Variants in BCORL1 observed in about 807,000 individuals in gnomAD.
BCORL1 encodes BCL-6 corepressor-like protein 1.
A neutral mutation model predicts 87.6 loss-of-function variants in BCORL1; 7 were observed. The observed-to-expected ratio is 0.08, with a 90% CI of 0.05 to 0.15. The LOEUF (loss-of-function observed/expected upper bound fraction) is 0.15. BCORL1 is among the 10% of genes least tolerant of loss of function. The pLI is 1.00. For synonymous variants in BCORL1, 591 were observed against 634.4 expected (o/e 0.93, Z 1.03); for missense variants, 1,215 against 1,499.7 (o/e 0.81, Z 3.13).
At chrX:130,022,776 C>G (rs767857183) in intron 5 of BCORL1, 121 bp from the exon 6 acceptor site, 249 of 608,883 alleles carry the variant, frequency 4.1e-4, no homozygotes, top group Non-Finnish European at 6.6e-4. Flanking sequence ...CCAGATTAAC[C>G]ACAGGGTAAA....
intron 1 of BCORL1, among the ~76,000 whole-genome samples, chrX:129,986,128 T>C (rs1926596218): frequency 1.8e-5 from 2 of 112,029 alleles, no homozygotes; most frequent in African/African-American, 6.5e-5. Flanking sequence ...TGGCTGTAAG[T>C]CATTGATGAG....
intron 1 of BCORL1, among the ~76,000 whole-genome samples, chrX:130,003,013 A>T (rs1285215275): frequency 9.1e-6 from 1 of 110,429 alleles, no homozygotes; most frequent in Non-Finnish European, 1.9e-5. Context: ...AAAGAGGGCA[A>T]CGTATCCCAC....
At chrX:130,005,489 A>G (rs1031630073) in intron 2 of BCORL1, among the ~76,000 whole-genome samples, 172 bp downstream of exon 2, 2 of 111,893 alleles carry the variant, frequency 1.8e-5, no homozygotes, top group East Asian at 5.6e-4. Context: ...GAGTGGCCTG[A>G]TCTGCCATGC....
chrX:130,054,607 G>A (rs1315575759), intron 13 of BCORL1, among the ~76,000 whole-genome samples: 1 of 110,644 alleles, frequency 9.0e-6, no homozygotes, highest in African/African-American at 3.3e-5. Flanking sequence ...AGGTTAGAAG[G>A]TCTCATATAA....
At chrX:130,002,841 G>A (rs1928167873) in intron 1 of BCORL1, among the ~76,000 whole-genome samples, 1 of 108,982 alleles carries the variant, frequency 9.2e-6, no homozygotes, top group Non-Finnish European at 1.9e-5. Flanking sequence ...AGATAGGAAG[G>A]GGAGGAAATG....
At chrX:129,982,321 G>A (rs1926176080), upstream of BCORL1, among the ~76,000 whole-genome samples, 1 of 111,240 alleles carries the variant, frequency 9.0e-6, no homozygotes, top group South Asian at 3.8e-4. Flanking sequence ...GAATCCGCTC[G>A]GTCCTCTCAG....
chrX:130,015,729 T>C lies in BCORL1; in HGVS notation c.2957T>C (p.Val986Ala), dbSNP rs754689076. Residue 986 changes from valine (V) to alanine (A), a missense_variant, in exon 4 of 14, where the codon GTG becomes GCG. Physicochemically the swap from Val to Ala is moderately conservative, Grantham distance 64. Around this residue, in one of 5 missense-constraint regions of BCORL1, gnomAD observed 861 missense variants for 1,010.0 expected, o/e 0.85. Coordinates refer to ENST00000540052, the MANE Select transcript of BCORL1 (RefSeq NM_001379451.1). The part of the protein sequence containing the change: ...LAGDTKPKNQ[V>A]LATYMSHELV... ...GGAGACACGAAGCCTAAGAACCAAGTGCTGGCCACCTACATGTCCCATGAG... is the reference window on the plus strand; with the variant it reads ...GGAGACACGAAGCCTAAGAACCAAGCGCTGGCCACCTACATGTCCCATGAG... The C allele has an allele frequency of 8.3e-7, 1 of 1,211,877 alleles. No individual in the cohort carries two copies. Among genetic ancestry groups the C allele is most frequent in the Admixed American group, 2.2e-5 (1 of 46,058 alleles).
chrX:129,995,548 C>G (rs754256493), intron 1 of BCORL1, among the ~76,000 whole-genome samples: 1 of 111,240 alleles, frequency 9.0e-6, no homozygotes, highest in Non-Finnish European at 1.9e-5. Context: ...TCAAGTGATT[C>G]CCCTGCCTCA....
intron 10 of BCORL1, 24 bp downstream of exon 10, chrX:130,037,557 A>C (rs373647765): frequency 1.2e-3 from 1,466 of 1,179,866 alleles, no homozygotes; most frequent in Non-Finnish European, 1.5e-3. Flanking sequence ...ATCTCCCCCC[A>C]GTCCCGCCCT....
intron 11 of BCORL1, 120 bp downstream of exon 11, chrX:130,039,402 C>G (rs889033257): frequency 1.1e-5 from 10 of 884,273 alleles, no homozygotes; most frequent in Non-Finnish European, 1.6e-5. Flanking sequence ...GCCATCTGCC[C>G]TCTTCACCTG....
At chrX:130,039,047 C>A in intron 10 of BCORL1, 90 bp from the exon 11 acceptor site, 1 of 1,050,944 alleles carries the variant, frequency 9.5e-7, no homozygotes, top group South Asian at 2.1e-5. Flanking sequence ...GGGGTCAGCT[C>A]AGTTTTTTCC....
chrX:130,033,501 GTCT>G (rs1930752053), intron 8 of BCORL1, among the ~76,000 whole-genome samples: 1 of 112,585 alleles, frequency 8.9e-6, no homozygotes, highest in African/African-American at 3.2e-5. Context: ...CTTGCCCCAG[GTCT>G]TCTAGCTAGG....
At chrX:130,027,405 G>A (rs1450558820) in intron 7 of BCORL1, among the ~76,000 whole-genome samples, 2 of 112,935 alleles carry the variant, frequency 1.8e-5, no homozygotes, top group East Asian at 5.6e-4. Flanking sequence ...ATGACAGCTG[G>A]CCTTCCAGGA....
rs1179514476 is a variant in BCORL1 at position 130,055,790 on chromosome X, C to G, written c.5076-64C>G. 1.0e-5 allele frequency: 11 copies of G among 1,098,514 alleles called. No homozygotes were observed. The South Asian group carries it at 1.9e-4, about 19-fold the overall frequency. The allele number at this position is 1,098,514 out of a possible 1,213,427, so 90.5% of individuals were successfully genotyped here. A position where few individuals can be genotyped will look rare whatever the true frequency, so the allele number is the denominator to read the frequency against. On this transcript the variant is annotated intron_variant, in intron 13 of 13. Transcript: ENST00000540052. ...GCCTTTGTGGGCTTTGCAGAGTGTT[C>G]TGGGTCGGTGCCCCCACCGCTTCCT... is the stretch of plus-strand genomic sequence containing the variant.
rs1341325632 is a variant in BCORL1 at position 130,012,369 on chromosome X, C to G, written c.87-209C>G. 2.7e-5 allele frequency among the ~76,000 whole-genome samples: 3 copies of G among 111,390 alleles called. No individual in the cohort carries two copies. In the East Asian group the frequency reaches 8.5e-4, roughly 32 times the overall value. On this transcript the variant is annotated intron_variant, in intron 2 of 13. Transcript: ENST00000540052. ...GAGGGGGGTCTAGTCAGACTGGGCTCTGGTAGGGACTTGCAAAGCTAGGTG... is the reference window on the plus strand; with the variant it reads ...GAGGGGGGTCTAGTCAGACTGGGCTGTGGTAGGGACTTGCAAAGCTAGGTG...
intron 7 of BCORL1, among the ~76,000 whole-genome samples, chrX:130,025,836 A>G (rs1930213923): frequency 2.7e-5 from 3 of 110,966 alleles, no homozygotes; most frequent in African/African-American, 9.8e-5. Flanking sequence ...TGGGTTCTTC[A>G]AACCAACAGA....
At chrX:130,053,475 C>T (rs1932189662) in intron 13 of BCORL1, among the ~76,000 whole-genome samples, 1 of 111,675 alleles carries the variant, frequency 9.0e-6, no homozygotes, top group Admixed American at 9.5e-5. Context: ...CCGATGTATT[C>T]AGCACCTCCC....
intron 8 of BCORL1, among the ~76,000 whole-genome samples, chrX:130,032,733 C>CTATTTATTTATT (rs61204194): frequency 2.3e-5 from 2 of 87,587 alleles, no homozygotes; most frequent in East Asian, 3.1e-4. Flanking sequence ...AGAATCTCTT[C>CTATTTATTTATT]TATTTATTTA....
chrX:130,013,081 G>C lies in BCORL1; in HGVS notation c.309G>C (p.Gly103=), dbSNP rs760686487. The C allele has an allele frequency of 2.5e-6, 3 of 1,210,600 alleles. No homozygotes were observed. The highest frequency in any genetic ancestry group is 3.4e-6 in the Non-Finnish European group (3 of 894,389). Residue 103 remains glycine, a synonymous_variant, in exon 4 of 14, where the codon GGG becomes GGC. Coordinates refer to ENST00000540052, the MANE Select transcript of BCORL1 (RefSeq NM_001379451.1). ...CCCAGCCAAAAATGGACTACGCTGG[G>C]AACGTGGCAGAGGCTGAGGGCCTCT... is the stretch of plus-strand genomic sequence containing the variant. ...DDPQPKMDYA[G]NVAEAEGLLV...
Sources: gnomAD v4.1 joint callset for allele counts (sites outside exome capture counted in the v4.1 genomes callset) on GRCh38, gnomAD v4.1.1 for gene constraint, gnomAD v4.1.1 regional missense constraint, MANE v1.5 for transcripts, NCBI Gene and HGNC (gene_info 2026-07-23, HGNC 2026-07-21) for gene names.